The following KALRN variants were observed in gnomAD, a reference collection of about 807,000 sequenced individuals.
The protein encoded by KALRN is kalirin.
KALRN carries 70 observed loss-of-function variants against 353.7 expected under a neutral mutation model. The ratio of observed to expected loss-of-function variants is 0.20; its 90% CI spans 0.16 to 0.24. The LOEUF is 0.24. Ranked by LOEUF, KALRN falls within the 10% of genes least tolerant of loss-of-function variation. The pLI, the probability that KALRN is intolerant of heterozygous loss-of-function variation, is 1.00. For missense variants in KALRN, 2,791 were observed against 3,756.7 expected (o/e 0.74, Z 6.72); for synonymous variants, 1,391 against 1,434.8 (o/e 0.97, Z 0.69).
At chr3:124,647,426 G>A (rs6806928) in intron 37 of KALRN, among the ~76,000 whole-genome samples, 1,936 of 152,188 alleles carry the variant, frequency 0.013, 43 homozygotes, top group African/African-American at 0.044. Flanking sequence ...CATGTCATTT[G>A]TTCTTTCACC....
intron 1 of KALRN, among the ~76,000 whole-genome samples, chr3:124,178,931 A>C (rs2073164083): frequency 6.6e-6 from 1 of 152,164 alleles, no homozygotes; most frequent in Admixed American, 6.5e-5. Flanking sequence ...ATAACGACCC[A>C]GTCTCTATAA....
At chr3:124,679,783 G>A in intron 51 of KALRN, 1 of 522,226 alleles carries the variant, frequency 1.9e-6, no homozygotes, top group South Asian at 2.1e-5. Context: ...TGGCAGGTTT[G>A]ACTTTATGTA....
chr3:124,267,460 G>A (rs2073697031), intron 4 of KALRN, among the ~76,000 whole-genome samples: 2 of 152,202 alleles, frequency 1.3e-5, no homozygotes, highest in Admixed American at 1.3e-4. Context: ...ATTAGCAGGA[G>A]TTTGCAACTC....
At chr3:124,250,601 T>C (rs183252533) in intron 3 of KALRN, among the ~76,000 whole-genome samples, 14 of 152,334 alleles carry the variant, frequency 9.2e-5, no homozygotes, top group African/African-American at 3.4e-4. Context: ...CAGATATATG[T>C]GCTATGATCA....
At chr3:124,043,386 G>T (rs1167196809) in intron 1 of KALRN, among the ~76,000 whole-genome samples, 1 of 151,974 alleles carries the variant, frequency 6.6e-6, no homozygotes, top group East Asian at 1.9e-4. Flanking sequence ...AGAGGGAGAA[G>T]GCAGGCATGA....
At chr3:124,245,001 C>A (rs2080949906) in intron 3 of KALRN, among the ~76,000 whole-genome samples, 1 of 151,368 alleles carries the variant, frequency 6.6e-6, no homozygotes, top group Admixed American at 6.6e-5. Flanking sequence ...TGGAAACATT[C>A]CAAATCTTCT....
chr3:124,309,760 A>T (rs911861657), intron 6 of KALRN, among the ~76,000 whole-genome samples: 3 of 152,204 alleles, frequency 2.0e-5, no homozygotes, highest in Admixed American at 6.6e-5. Flanking sequence ...AATACTCAAC[A>T]AACTAGGAAT....
At chr3:124,417,129 A>T (rs2092548466) in intron 14 of KALRN, among the ~76,000 whole-genome samples, 1 of 152,222 alleles carries the variant, frequency 6.6e-6, no homozygotes, top group Non-Finnish European at 1.5e-5. Flanking sequence ...CTCACAATGG[A>T]ATCATCTATT....
intron 33 of KALRN, among the ~76,000 whole-genome samples, chr3:124,529,903 A>G (rs576561408): frequency 3.9e-4 from 60 of 152,194 alleles, no homozygotes; most frequent in Non-Finnish European, 7.9e-4. Flanking sequence ...GTCAGATTTG[A>G]AAAATGTCCC....
chr3:124,546,562 G>A (rs2069690945), intron 33 of KALRN, among the ~76,000 whole-genome samples: 1 of 152,176 alleles, frequency 6.6e-6, no homozygotes, highest in Non-Finnish European at 1.5e-5. Flanking sequence ...GGTTGTTGTG[G>A]AAGCTGGGTT....
chr3:124,152,021 A>G (rs2068175770), intron 1 of KALRN: 11 of 1,494,456 alleles, frequency 7.4e-6, no homozygotes, highest in East Asian at 2.3e-5. Flanking sequence ...TCCACCTTCT[A>G]CAAAATGGAT....
At chr3:124,703,699 G>A (rs756451966) in intron 57 of KALRN, among the ~76,000 whole-genome samples, 8 of 152,114 alleles carry the variant, frequency 5.3e-5, no homozygotes, top group Non-Finnish European at 1.0e-4. Context: ...GGAATGCAGT[G>A]GCAGTATCAT....
At chr3:124,114,450 C>T (rs1649035876) in intron 1 of KALRN, among the ~76,000 whole-genome samples, 1 of 152,174 alleles carries the variant, frequency 6.6e-6, no homozygotes, top group South Asian at 2.1e-4. Flanking sequence ...TGATGCTGAT[C>T]TTGTGAACAC....
At chr3:124,516,695 C>G (rs528633327) in intron 33 of KALRN, among the ~76,000 whole-genome samples, 82 of 148,690 alleles carry the variant, frequency 5.5e-4, no homozygotes, top group African/African-American at 2.0e-3. Flanking sequence ...GTGGGGGTGT[C>G]TAGCTAATCA....
intron 21 of KALRN, among the ~76,000 whole-genome samples, chr3:124,450,383 C>G (rs1179336638): frequency 6.6e-6 from 1 of 151,998 alleles, no homozygotes. Flanking sequence ...TTCATCTTGA[C>G]AAAAGAAAAT....
At chr3:124,704,690 G>A (rs1420179610) in intron 57 of KALRN, among the ~76,000 whole-genome samples, 24 of 152,144 alleles carry the variant, frequency 1.6e-4, no homozygotes. Flanking sequence ...TGGGACTACA[G>A]GCGTGAGCCA....
rs534524001 is a variant in KALRN, at chr3:124,276,620, C to A, written c.969+7365C>A. On this transcript the variant is annotated intron_variant, in intron 5 of 59. Coordinates refer to ENST00000682506, the MANE Select transcript of KALRN (RefSeq NM_001388419.1). ...CACTGTCATTTGTCAAAGTGAAGTG[C>A]CTTTGCAGTAATTACAATATGTAAT... Among the ~76,000 whole-genome samples the A allele has an allele frequency of 5.3e-5, 8 of 152,298 alleles. No homozygotes were observed. In the South Asian group the frequency reaches 1.5e-3, roughly 28 times the overall value.
At chr3:124,335,799 C>T (rs2081078784) in intron 9 of KALRN, among the ~76,000 whole-genome samples, 1 of 152,328 alleles carries the variant, frequency 6.6e-6, no homozygotes, top group South Asian at 2.1e-4. Context: ...ACTCTCCTTT[C>T]ATTCTTTTGT....
At chr3:124,568,060 C>T (rs2073069188) in intron 34 of KALRN, among the ~76,000 whole-genome samples, 1 of 152,042 alleles carries the variant, frequency 6.6e-6, no homozygotes, top group African/African-American at 2.4e-5. Context: ...GACTCAGCAC[C>T]CCCAGGGTGT....
Sources: gnomAD v4.1 joint callset for allele counts (sites outside exome capture counted in the v4.1 genomes callset) on GRCh38, gnomAD v4.1.1 for gene constraint, MANE v1.5 for transcripts, NCBI Gene and HGNC (gene_info 2026-07-23, HGNC 2026-07-21) for gene names.